The following DMD variants were observed in gnomAD, a reference collection of about 807,000 sequenced individuals.
DMD encodes the protein mutant dystrophin.
Under a neutral mutation model 330.1 loss-of-function variants are expected in DMD, and 63 were observed. That is an observed-to-expected ratio of 0.19 (90% CI 0.16 to 0.24). The LOEUF is 0.24. Among genes scored for constraint, DMD ranks in the 10% least tolerant of loss-of-function variants. DMD has a pLI of 1.00. For missense variants in DMD, 3,344 were observed against 2,684.1 expected (o/e 1.25, Z -5.43); for synonymous variants, 1,223 against 959.8 (o/e 1.27, Z -5.07).
At chrX:31,478,425 A>AT in intron 58 of DMD, 51 bp from the exon 59 acceptor site, 4 of 1,198,763 alleles carry the variant, frequency 3.3e-6, no homozygotes, top group Non-Finnish European at 4.5e-6. Context: ...TTTTTTAAAC[A>AT]TTGTCAAAAA....
Position 32,495,892 on chromosome X carries a change from AT to A in DMD, c.2381-4375del, listed in dbSNP as rs1349028038. The stretch of plus-strand genomic sequence containing the variant: ...GAATACAAATACTAACACACCAGGC[AT>A]TATGAGCAATACTTATGGAAACCAT... On this transcript the variant is annotated intron_variant, in intron 19 of 78. Coordinates refer to ENST00000357033, the MANE Select transcript of DMD (RefSeq NM_004006.3). Among the ~76,000 whole-genome samples the A allele has an allele frequency of 1.2e-4, 13 of 111,742 alleles. 1 individual carries two copies.
chrX:32,748,589 CATGT>C (rs2070390295), intron 7 of DMD, among the ~76,000 whole-genome samples: 1 of 111,164 alleles, frequency 9.0e-6, no homozygotes, highest in Admixed American at 9.6e-5. Context: ...CCATGCATTA[CATGT>C]ATTATTAAAG....
rs760317114 is a variant in DMD at position 31,963,548 on chromosome X, T to G, written c.6614+4791A>C. Among the ~76,000 whole-genome samples the G allele has an allele frequency of 2.1e-4, 23 of 110,958 alleles. 1 individual carries two copies. The South Asian group carries it at 8.7e-3, about 42-fold the overall frequency. On this transcript the variant is annotated intron_variant, in intron 45 of 78. Transcript: ENST00000357033. ...ACTGCTTGCCAGAAAGGTGCACACATTCCATTGAGAAGGGGCTACTACCCA... is the reference window on the plus strand; with the variant it reads ...ACTGCTTGCCAGAAAGGTGCACACAGTCCATTGAGAAGGGGCTACTACCCA...
At chrX:32,514,861 G>A (rs969728492) in intron 18 of DMD, among the ~76,000 whole-genome samples, 4 of 112,765 alleles carry the variant, frequency 3.5e-5, no homozygotes, top group Non-Finnish European at 5.6e-5. Context: ...TTTAGTGATA[G>A]CAGGAGAGCC....
chrX:31,272,991 T>C (rs965792728), intron 62 of DMD, among the ~76,000 whole-genome samples: 20 of 112,151 alleles, frequency 1.8e-4, no homozygotes, highest in Non-Finnish European at 3.8e-5. Context: ...GTTATGTTCT[T>C]ATTTTGGTGT....
At chrX:32,400,894 C>T (rs1269582746) in intron 30 of DMD, among the ~76,000 whole-genome samples, 11 of 109,357 alleles carry the variant, frequency 1.0e-4, no homozygotes, top group East Asian at 2.9e-4. Context: ...ATGTTTATTG[C>T]GGCACTATTC....
At chrX:33,048,072 A>T (rs146330579) in intron 1 of DMD, among the ~76,000 whole-genome samples, 1,194 of 112,379 alleles carry the variant, frequency 0.011, 33 homozygotes, top group Admixed American at 0.069. Flanking sequence ...ATTAAACCTA[A>T]CTGTATATAT....
At chrX:32,793,368 C>CAA (rs758510645) in intron 7 of DMD, among the ~76,000 whole-genome samples, 1 of 109,558 alleles carries the variant, frequency 9.1e-6, no homozygotes, top group South Asian at 3.9e-4. Context: ...CAAAGTACTT[C>CAA]AAGGAGCTAG....
At chrX:31,956,470 G>A (rs184646417) in intron 45 of DMD, among the ~76,000 whole-genome samples, 1 of 111,553 alleles carries the variant, frequency 9.0e-6, no homozygotes, top group East Asian at 2.8e-4. Context: ...TAAGGGGCAG[G>A]TAAAGCAAGG....
intron 7 of DMD, among the ~76,000 whole-genome samples, chrX:32,743,577 G>A (rs954149407): frequency 2.7e-5 from 3 of 111,366 alleles, no homozygotes; most frequent in African/African-American, 9.8e-5. Context: ...TGTTGGCACT[G>A]AACCCATAGT....
chrX:32,689,754 A>G (rs2063137063), intron 9 of DMD, among the ~76,000 whole-genome samples: 1 of 111,453 alleles, frequency 9.0e-6, no homozygotes, highest in African/African-American at 3.3e-5. Flanking sequence ...ATGAAAATCA[A>G]TTAGTATGAT....
At chrX:31,465,033 A>C (rs1239942928) in intron 59 of DMD, among the ~76,000 whole-genome samples, 1 of 112,109 alleles carries the variant, frequency 8.9e-6, no homozygotes, top group South Asian at 3.7e-4. Flanking sequence ...ATCTAAAATC[A>C]GATGCTTTGG....
intron 51 of DMD, among the ~76,000 whole-genome samples, chrX:31,747,885 T>G (rs1489336308): frequency 8.9e-6 from 1 of 112,331 alleles, no homozygotes; most frequent in Non-Finnish European, 1.9e-5. Flanking sequence ...TTAAGTAATT[T>G]AAAAATAAGC....
At chrX:32,653,225 T>C (rs1423098114) in intron 9 of DMD, among the ~76,000 whole-genome samples, 5 of 112,132 alleles carry the variant, frequency 4.5e-5, no homozygotes, top group Non-Finnish European at 7.5e-5. Flanking sequence ...GGACATGAAG[T>C]CCTTACCCAT....
intron 7 of DMD, among the ~76,000 whole-genome samples, chrX:32,721,747 A>C (rs191750914): frequency 8.0e-4 from 89 of 111,259 alleles, no homozygotes; most frequent in African/African-American, 2.7e-3. Flanking sequence ...TGTGATATTC[A>C]AAAAATCCTT....
chrX:33,085,018 G>C (rs1273665733), intron 1 of DMD, among the ~76,000 whole-genome samples: 1 of 111,207 alleles, frequency 9.0e-6, no homozygotes, highest in Non-Finnish European at 1.9e-5. Flanking sequence ...ATTGTTATCA[G>C]TTGTACAAGG....
intron 1 of DMD, among the ~76,000 whole-genome samples, chrX:33,299,015 G>C (rs1392686854): frequency 1.8e-5 from 2 of 111,481 alleles, no homozygotes; most frequent in Non-Finnish European, 3.8e-5. Context: ...CAACTTCACA[G>C]AATATATTTC....
chrX:31,945,870 G>A (rs2095079550), intron 45 of DMD, among the ~76,000 whole-genome samples: 1 of 111,694 alleles, frequency 9.0e-6, no homozygotes, highest in Non-Finnish European at 1.9e-5. Flanking sequence ...AGACTAAGAT[G>A]TGTCTCCTCT....
At chrX:32,421,669 C>A (rs2148028886) in intron 29 of DMD, among the ~76,000 whole-genome samples, 1 of 111,979 alleles carries the variant, frequency 8.9e-6, no homozygotes, top group Admixed American at 9.5e-5. Context: ...CAAACTTCCT[C>A]TCTTCTCTAT....
Sources: gnomAD v4.1 joint callset for allele counts (sites outside exome capture counted in the v4.1 genomes callset) on GRCh38, gnomAD v4.1.1 for gene constraint, MANE v1.5 for transcripts, NCBI Gene and HGNC (gene_info 2026-07-23, HGNC 2026-07-21) for gene names.